PRSS12: variants seen among roughly 807,000 people sequenced by gnomAD.
PRSS12 encodes serine protease 12, also known as neurotrypsin.
PRSS12 carries 85 observed loss-of-function variants against 104.4 expected under a neutral mutation model. That is an observed-to-expected ratio of 0.81 (90% CI 0.68 to 0.98). The LOEUF is 0.98. Ranked by LOEUF, PRSS12 falls within the 50% of genes least tolerant of loss-of-function variation. The pLI is 0.00. For missense variants in PRSS12, 1,141 were observed against 1,139.2 expected, an observed-to-expected ratio of 1.00 and a Z score of -0.02; for synonymous variants, 454 against 425.2, an observed-to-expected ratio of 1.07 and a Z score of -0.83.
rs1323176769 is a variant in PRSS12, at chr4:118,282,969, C to A, written c.2182G>T (p.Ala728Ser). Residue 728 changes from alanine (A) to serine (S), a missense_variant, in exon 12 of 13, where the codon GCC becomes TCC. Ala to Ser is a moderately conservative substitution (Grantham distance 99, BLOSUM62 1). Coordinates refer to ENST00000296498, the MANE Select transcript of PRSS12 (RefSeq NM_003619.4). ...TCTGGTCCTTGTAATCTAACCAGGG[C>A]TATGTCATAATCACTGCGGTCGGGT... ...YRPDRSDYDI[A>S]LVRLQGPEEQ... The A allele has an allele frequency of 6.2e-7, 1 of 1,614,096 alleles. No homozygotes were observed.
chr4:118,287,436 C>A (rs1743039172), intron 11 of PRSS12, among the ~76,000 whole-genome samples: 1 of 152,202 alleles, frequency 6.6e-6, no homozygotes, highest in Non-Finnish European at 1.5e-5. Flanking sequence ...AGGTACTGCA[C>A]CCGGCCAAGT....
intron 1 of PRSS12, among the ~76,000 whole-genome samples, chr4:118,351,102 T>C (rs1243791615): frequency 3.3e-5 from 5 of 152,200 alleles, no homozygotes; most frequent in Non-Finnish European, 7.3e-5. Flanking sequence ...AACCTTCCTA[T>C]CACTTTTCCT....
intron 1 of PRSS12, among the ~76,000 whole-genome samples, chr4:118,348,127 G>C (rs1251770034): frequency 1.3e-5 from 2 of 152,092 alleles, no homozygotes; most frequent in Admixed American, 1.3e-4. Flanking sequence ...TACTTCAGAG[G>C]CCAAGGTGGG....
chr4:118,314,655 G>T (rs565405516), intron 6 of PRSS12, among the ~76,000 whole-genome samples: 2 of 152,164 alleles, frequency 1.3e-5, no homozygotes, highest in South Asian at 4.2e-4. Flanking sequence ...TAAACTAGAA[G>T]CAAATGTAAC....
intron 7 of PRSS12, among the ~76,000 whole-genome samples, chr4:118,309,302 C>T (rs958273427): frequency 6.6e-6 from 1 of 152,110 alleles, no homozygotes; most frequent in African/African-American, 2.4e-5. Context: ...GATTTTGAAT[C>T]GAAACTCCTC....
At chr4:118,333,878 T>A (rs899892272) in intron 3 of PRSS12, among the ~76,000 whole-genome samples, 6 of 152,194 alleles carry the variant, frequency 3.9e-5, no homozygotes, top group Non-Finnish European at 7.4e-5. Context: ...ACAAAACTCA[T>A]TTGAAAGAAA....
intron 7 of PRSS12, 46 bp from the exon 8 acceptor site, chr4:118,308,623 T>C (rs377211496): frequency 2.6e-5 from 41 of 1,603,266 alleles, no homozygotes; most frequent in African/African-American, 1.1e-4. Context: ...ACATGCAAAC[T>C]GATTCTAAAG....
Position 118,331,882 on chromosome 4 carries a change from T to A in PRSS12, c.821-16A>T, listed in dbSNP as rs1723930331. The A allele has an allele frequency of 6.2e-7, 1 of 1,613,622 alleles. No individual in the cohort carries two copies. Among genetic ancestry groups the A allele is most frequent in the African/African-American group, 1.3e-5 (1 of 75,044 alleles). On this transcript the variant is annotated splice_polypyrimidine_tract_variant and intron_variant, in intron 3 of 12. Coordinates refer to ENST00000296498, the MANE Select transcript of PRSS12 (RefSeq NM_003619.4). Reference sequence around the variant, plus strand: ...AACGTTGGGCCTGTGCAATGTGAAGTTAAAAATAAGCAAAACCTATGCATT... The same window carrying A: ...AACGTTGGGCCTGTGCAATGTGAAGATAAAAATAAGCAAAACCTATGCATT...
At chr4:118,284,760 T>C (rs997790562) in intron 11 of PRSS12, among the ~76,000 whole-genome samples, 4 of 152,320 alleles carry the variant, frequency 2.6e-5, no homozygotes, top group African/African-American at 9.6e-5. Flanking sequence ...CTGCTTGTCT[T>C]TTACCTGCCA....
At chr4:118,329,169 G>A (rs1723858590) in intron 4 of PRSS12, among the ~76,000 whole-genome samples, 2 of 151,974 alleles carry the variant, frequency 1.3e-5, no homozygotes, top group Admixed American at 6.6e-5. Context: ...CTCCCACCTT[G>A]GCCTCCTAAA....
At chr4:118,336,774 G>C (rs1724074406) in intron 2 of PRSS12, among the ~76,000 whole-genome samples, 1 of 152,118 alleles carries the variant, frequency 6.6e-6, no homozygotes, top group African/African-American at 2.4e-5. Context: ...GGTAATAAAA[G>C]CACAAATAGG....
At chr4:118,332,634 T>C (rs1723957857) in intron 3 of PRSS12, among the ~76,000 whole-genome samples, 1 of 152,226 alleles carries the variant, frequency 6.6e-6, no homozygotes, top group Non-Finnish European at 1.5e-5. Context: ...ACTGTTTACA[T>C]GTCAATTGTC....
At position 118,338,419 on chromosome 4, in the gene PRSS12, T is replaced by C. The variant is rs2126042903; in HGVS notation, c.503-105A>G. On this transcript the variant is annotated intron_variant, in intron 1 of 12. Transcript: ENST00000296498. Reference sequence around the variant, plus strand: ...ATTTTTAAACTTAAGTAGTAAGGGATCCAGGCAGAATGATTTAGCCTCCAC... The same window carrying C: ...ATTTTTAAACTTAAGTAGTAAGGGACCCAGGCAGAATGATTTAGCCTCCAC... 8.5e-6 allele frequency: 12 copies of C among 1,414,588 alleles called. No homozygotes were observed. The South Asian group carries it at 1.2e-4, about 14-fold the overall frequency. 87.6% of individuals were successfully genotyped at this position (1,414,588 alleles called of 1,614,324 possible).
At chr4:118,342,362 C>G (rs999885926) in intron 1 of PRSS12, among the ~76,000 whole-genome samples, 4 of 152,086 alleles carry the variant, frequency 2.6e-5, no homozygotes, top group Admixed American at 6.6e-5. Context: ...CCTCACCTTC[C>G]GCCCACATTC....
intron 11 of PRSS12, 27 bp downstream of exon 11, chr4:118,294,912 A>C: frequency 6.2e-7 from 1 of 1,613,460 alleles, no homozygotes; most frequent in South Asian, 1.1e-5. Flanking sequence ...AAGCTACACT[A>C]GGTTGTTTGG....
intron 4 of PRSS12, among the ~76,000 whole-genome samples, chr4:118,327,242 C>G (rs1723798098): frequency 6.6e-6 from 1 of 152,050 alleles, no homozygotes; most frequent in Admixed American, 6.5e-5. Flanking sequence ...GTAGCTTCAA[C>G]CTCCTGGACT....
chr4:118,310,322 A>G (rs1165332190), intron 7 of PRSS12, among the ~76,000 whole-genome samples: 1 of 152,224 alleles, frequency 6.6e-6, no homozygotes, highest in Non-Finnish European at 1.5e-5. Flanking sequence ...TGGTAGTTTT[A>G]CAGGCACATT....
chr4:118,339,540 T>C (rs1198363740), intron 1 of PRSS12, among the ~76,000 whole-genome samples: 1 of 152,220 alleles, frequency 6.6e-6, no homozygotes, highest in East Asian at 1.9e-4. Context: ...AAGTCTCATT[T>C]AATTCAAACA....
At chr4:118,327,375 C>T (rs1723801691) in intron 4 of PRSS12, among the ~76,000 whole-genome samples, 1 of 151,878 alleles carries the variant, frequency 6.6e-6, no homozygotes, top group African/African-American at 2.4e-5. Flanking sequence ...TGGTTTGGAA[C>T]TACTGGGCTC....
Sources: allele counts gnomAD v4.1 joint callset (sites outside exome capture counted in the v4.1 genomes callset), GRCh38; gene constraint gnomAD v4.1.1; transcripts MANE v1.5; gene names NCBI Gene and HGNC (gene_info 2026-07-23, HGNC 2026-07-21).